SPATA16: variants seen among roughly 807,000 people sequenced by gnomAD.
SPATA16 encodes the protein spermatogenesis associated 16.
Under a neutral mutation model 63.3 loss-of-function variants are expected in SPATA16, and 36 were observed. That is an observed-to-expected ratio of 0.57 (90% CI 0.44 to 0.75). The LOEUF is 0.75. Ranked by LOEUF, SPATA16 falls within the 30% of genes least tolerant of loss-of-function variation. SPATA16 has a pLI of 0.00. For missense variants in SPATA16, 646 were observed against 679.3 expected (o/e 0.95, Z 0.54); for synonymous variants, 203 against 216.7 (o/e 0.94, Z 0.56).
intron 1 of SPATA16, among the ~76,000 whole-genome samples, chr3:173,128,132 T>A (rs1170661265): frequency 6.6e-6 from 1 of 152,152 alleles, no homozygotes; most frequent in Non-Finnish European, 1.5e-5. Context: ...CCATATTTAG[T>A]GGCAATGGCA....
At chr3:172,946,090 C>T (rs1733277807) in intron 6 of SPATA16, among the ~76,000 whole-genome samples, 2 of 152,182 alleles carry the variant, frequency 1.3e-5, no homozygotes, top group Admixed American at 1.3e-4. Context: ...GACAACATTA[C>T]CAGACACAAC....
chr3:172,988,312 C>T (rs1577120243), intron 4 of SPATA16, among the ~76,000 whole-genome samples: 3 of 152,162 alleles, frequency 2.0e-5, no homozygotes, highest in African/African-American at 4.8e-5. Context: ...GGTAAAGTGA[C>T]GTAAAACATC....
At chr3:173,125,461 T>G (rs1487393424) in intron 1 of SPATA16, among the ~76,000 whole-genome samples, 1 of 152,226 alleles carries the variant, frequency 6.6e-6, no homozygotes. Flanking sequence ...CTGATGCCTC[T>G]GCCTCCTTTG....
intron 4 of SPATA16, among the ~76,000 whole-genome samples, chr3:173,017,349 A>G (rs954910722): frequency 6.6e-6 from 1 of 152,238 alleles, no homozygotes; most frequent in African/African-American, 2.4e-5. Context: ...CTAATTCAGT[A>G]TACATGACAA....
At chr3:173,048,874 G>C (rs1333855256) in intron 3 of SPATA16, 75 bp downstream of exon 3, 1 of 1,535,196 alleles carries the variant, frequency 6.5e-7, no homozygotes, top group East Asian at 2.3e-5. Flanking sequence ...GATGGAAGGT[G>C]ATCAGGCAAG....
At chr3:173,084,986 G>A (rs538967941) in intron 2 of SPATA16, among the ~76,000 whole-genome samples, 2 of 152,222 alleles carry the variant, frequency 1.3e-5, no homozygotes, top group South Asian at 4.2e-4. Flanking sequence ...GCTTGGGATT[G>A]TCCTGGTTAT....
At chr3:172,986,561 A>G (rs1734463598) in intron 4 of SPATA16, among the ~76,000 whole-genome samples, 1 of 152,202 alleles carries the variant, frequency 6.6e-6, no homozygotes, top group African/African-American at 2.4e-5. Flanking sequence ...AGGGAGCATA[A>G]GCCCGAGAAG....
intron 4 of SPATA16, among the ~76,000 whole-genome samples, chr3:173,002,563 G>A (rs569775242): frequency 2.0e-5 from 3 of 152,192 alleles, no homozygotes; most frequent in African/African-American, 7.2e-5. Flanking sequence ...ATTCTGATTT[G>A]GAATTCAAGT....
chr3:173,121,272 C>T (rs1274811336), intron 1 of SPATA16, among the ~76,000 whole-genome samples: 1 of 151,020 alleles, frequency 6.6e-6, no homozygotes, highest in South Asian at 2.1e-4. Context: ...CTTATGGCTT[C>T]TTTAAAAATT....
At chr3:173,003,261 A>T (rs1216824776) in intron 4 of SPATA16, among the ~76,000 whole-genome samples, 2 of 152,220 alleles carry the variant, frequency 1.3e-5, no homozygotes, top group Non-Finnish European at 2.9e-5. Flanking sequence ...ACAGAAGAAG[A>T]AACATGATTG....
At chr3:172,911,694 C>G (rs749113938) in intron 10 of SPATA16, among the ~76,000 whole-genome samples, 1 of 152,138 alleles carries the variant, frequency 6.6e-6, no homozygotes, top group African/African-American at 2.4e-5. Flanking sequence ...TTTCCCTATT[C>G]CCTGCTCAAT....
chr3:173,052,609 T>C (rs1183798376), intron 2 of SPATA16, among the ~76,000 whole-genome samples: 4 of 152,236 alleles, frequency 2.6e-5, no homozygotes, highest in Non-Finnish European at 4.4e-5. Flanking sequence ...TAGGTACATG[T>C]AGACAAAATG....
intron 4 of SPATA16, among the ~76,000 whole-genome samples, chr3:172,978,914 A>G (rs1358368383): frequency 1.3e-5 from 2 of 152,226 alleles, no homozygotes; most frequent in African/African-American, 4.8e-5. Flanking sequence ...TGATCAAGCC[A>G]TGGTGGGCAT....
intron 3 of SPATA16, among the ~76,000 whole-genome samples, chr3:173,028,113 T>C (rs1735511574): frequency 6.7e-6 from 1 of 149,522 alleles, no homozygotes; most frequent in South Asian, 2.1e-4. Context: ...ATTTCTTTTT[T>C]AGGCAAAGAT....
intron 5 of SPATA16, among the ~76,000 whole-genome samples, chr3:172,958,557 C>CGG (rs1336856416): frequency 6.6e-6 from 1 of 152,140 alleles, no homozygotes; most frequent in Non-Finnish European, 1.5e-5. Flanking sequence ...ACTTTACTGC[C>CGG]TTTGTAAGCT....
chr3:172,972,887 G>A lies in SPATA16; in HGVS notation c.933+4081C>T, dbSNP rs556243272. ...GAAACAAATTGCCGACATAGATAGC[G>A]TTGATGATATAAGCCTAACAAAGAT... On this transcript the variant is annotated intron_variant, in intron 5 of 10. Coordinates refer to ENST00000351008, the MANE Select transcript of SPATA16 (RefSeq NM_031955.6). Among the ~76,000 whole-genome samples the A allele has an allele frequency of 3.9e-5, 6 of 152,262 alleles. No homozygotes were observed. The South Asian group carries it at 1.0e-3, about 26-fold the overall frequency.
chr3:172,934,062 A>T (rs1732928167), intron 6 of SPATA16, among the ~76,000 whole-genome samples: 1 of 152,182 alleles, frequency 6.6e-6, no homozygotes, highest in African/African-American at 2.4e-5. Flanking sequence ...AACAAGACTT[A>T]CATTTATAAG....
intron 2 of SPATA16, among the ~76,000 whole-genome samples, chr3:173,054,648 G>A (rs1736174919): frequency 6.6e-6 from 1 of 152,066 alleles, no homozygotes; most frequent in Non-Finnish European, 1.5e-5. Flanking sequence ...TGGGGTTTGA[G>A]GGGAGGGAAC....
At chr3:172,945,184 AAT>A (rs1178383096) in intron 6 of SPATA16, among the ~76,000 whole-genome samples, 2 of 152,150 alleles carry the variant, frequency 1.3e-5, no homozygotes, top group African/African-American at 4.8e-5. Flanking sequence ...GCATATTTCA[AAT>A]ATTACATAAC....
Sources: allele counts gnomAD v4.1 joint callset (sites outside exome capture counted in the v4.1 genomes callset), GRCh38; gene constraint gnomAD v4.1.1; transcripts MANE v1.5; gene names NCBI Gene and HGNC (gene_info 2026-07-23, HGNC 2026-07-21).